Variants in NOX4 observed in about 807,000 individuals in gnomAD.
NOX4 encodes the protein kidney oxidase-1.
Under a neutral mutation model 87.6 loss-of-function variants are expected in NOX4, and 69 were observed. The observed-to-expected ratio is 0.79, with a 90% CI of 0.65 to 0.96. NOX4 has a LOEUF of 0.96. Among genes scored for constraint, NOX4 ranks in the 40% least tolerant of loss-of-function variants. NOX4 has a pLI of 0.00. For synonymous variants in NOX4, 275 were observed against 238.2 expected, an observed-to-expected ratio of 1.15 and a Z score of -1.42; for missense variants, 680 against 681.5, an observed-to-expected ratio of 1.00 and a Z score of 0.02.
chr11:89,438,825 ATATCTTATATATTATATATAT>A (rs1476541490), intron 6 of NOX4, among the ~76,000 whole-genome samples: 188 of 45,772 alleles, frequency 4.1e-3, no homozygotes, highest in African/African-American at 0.018. Context: ...ATATTATATA[ATATCTTATATATTATATATAT>A]TATATAATAT....
In NOX4 at chr11:89,396,259, T is replaced by C. The variant is rs185970306; in HGVS notation, c.1074+3758A>G. ...GGATTCCTAGGTATTTTATTCTCTT[T>C]GAAGCAATTGTGAATGGGAGTTCAC... On this transcript the variant is annotated intron_variant, in intron 11 of 17. Transcript: ENST00000263317. 5.2e-3 allele frequency among the ~76,000 whole-genome samples: 792 copies of C among 152,242 alleles called. 1 individual carries two copies. Among genetic ancestry groups the C allele is most frequent in the African/African-American group, 0.017 (697 of 41,554 alleles).
chr11:89,488,917 T>C (rs1256241065), intron 2 of NOX4: 10 of 677,592 alleles, frequency 1.5e-5, no homozygotes, highest in East Asian at 1.4e-4. Flanking sequence ...TCCATTATAT[T>C]GTAAGCAACT....
rs550238042 is a variant in NOX4, at chr11:89,389,974, T to G, written c.1074+10043A>C. 7.6e-3 allele frequency among the ~76,000 whole-genome samples: 1,162 copies of G among 152,264 alleles called. 13 individuals are homozygous for G. The highest frequency in any genetic ancestry group is 0.026 in the African/African-American group (1,094 of 41,562). On this transcript the variant is annotated intron_variant, in intron 11 of 17. Coordinates refer to ENST00000263317, the MANE Select transcript of NOX4 (RefSeq NM_016931.5). Reference sequence around the variant, plus strand: ...TTTGCAAAAGCTATGAAAGAACCTCTTAGGCACTTAATTAGTAGGTACTAT... The same window carrying G: ...TTTGCAAAAGCTATGAAAGAACCTCGTAGGCACTTAATTAGTAGGTACTAT...
At chr11:89,570,675 C>T in the NOX4 span, among the ~76,000 whole-genome samples, 2 of 152,106 alleles carry the variant, frequency 1.3e-5, no homozygotes, top group Non-Finnish European at 2.9e-5. Flanking sequence ...CTATGAAAGA[C>T]AAGAAATTCA....
chr11:89,392,070 C>T (rs1275427779), intron 11 of NOX4, among the ~76,000 whole-genome samples: 1 of 151,970 alleles, frequency 6.6e-6, no homozygotes, highest in Non-Finnish European at 1.5e-5. Context: ...GAAGTGGTCT[C>T]CAATAACCTG....
chr11:89,583,249 A>AG, the NOX4 span, among the ~76,000 whole-genome samples: 1 of 152,038 alleles, frequency 6.6e-6, no homozygotes, highest in Non-Finnish European at 1.5e-5. Context: ...CTGATGTCTG[A>AG]GAAAAAAAAA....
At chr11:89,426,155 T>A (rs1045557435) in intron 7 of NOX4, among the ~76,000 whole-genome samples, 1 of 152,146 alleles carries the variant, frequency 6.6e-6, no homozygotes, top group Non-Finnish European at 1.5e-5. Flanking sequence ...AAACAAACAA[T>A]TTCTCCAAAG....
At chr11:89,467,165 A>G (rs11018624) in intron 2 of NOX4, among the ~76,000 whole-genome samples, 24,120 of 151,368 alleles carry the variant, frequency 0.16, 2,776 homozygotes, top group African/African-American at 0.31. Flanking sequence ...TGGCTAACAC[A>G]GTGAAACCCC....
upstream of NOX4, among the ~76,000 whole-genome samples, chr11:89,493,298 T>C (rs1477931155): frequency 6.6e-6 from 1 of 151,996 alleles, no homozygotes; most frequent in East Asian, 1.9e-4. Context: ...GGCAGAAGAA[T>C]TGCTTGAACC....
At chr11:89,447,608 T>C (rs1288050986) in intron 4 of NOX4, among the ~76,000 whole-genome samples, 1 of 152,208 alleles carries the variant, frequency 6.6e-6, no homozygotes, top group African/African-American at 2.4e-5. Flanking sequence ...GTCAGACGAC[T>C]AGTGACTGGC....
At chr11:89,540,744 C>A in the NOX4 span, among the ~76,000 whole-genome samples, 1 of 130,124 alleles carries the variant, frequency 7.7e-6, no homozygotes, top group Non-Finnish European at 1.5e-5. Context: ...GCCGAGATCG[C>A]GACACTGCAC....
At chr11:89,573,288 A>C in the NOX4 span, among the ~76,000 whole-genome samples, 1 of 152,198 alleles carries the variant, frequency 6.6e-6, no homozygotes, top group Non-Finnish European at 1.5e-5. Flanking sequence ...CTGTAATCCC[A>C]GCACTTTGGG....
the NOX4 span, among the ~76,000 whole-genome samples, chr11:89,518,378 G>A: frequency 1.2e-4 from 4 of 34,330 alleles, no homozygotes; most frequent in African/African-American, 2.8e-4. Flanking sequence ...AGTCTTGGGG[G>A]GGGGACAAAG....
chr11:89,549,053 CT>C, the NOX4 span, among the ~76,000 whole-genome samples: 1 of 152,138 alleles, frequency 6.6e-6, no homozygotes, highest in African/African-American at 2.4e-5. Context: ...AGCAATAAAA[CT>C]TTAATTAACT....
chr11:89,384,625 A>C (rs1403493898), intron 11 of NOX4, among the ~76,000 whole-genome samples: 5 of 152,028 alleles, frequency 3.3e-5, no homozygotes, highest in African/African-American at 1.2e-4. Flanking sequence ...GACCCCATAG[A>C]TCCTAAATCC....
At chr11:89,362,105 C>G (rs1162839795) in intron 12 of NOX4, among the ~76,000 whole-genome samples, 1 of 151,942 alleles carries the variant, frequency 6.6e-6, no homozygotes. Flanking sequence ...TCCCCCAAAC[C>G]CTCTTTGTTC....
chr11:89,362,553 A>G (rs16912266), intron 12 of NOX4, among the ~76,000 whole-genome samples: 3,841 of 152,088 alleles, frequency 0.025, 94 homozygotes, highest in East Asian at 0.1. Context: ...TGAATTTTTA[A>G]TCTTTAGATT....
chr11:89,479,507 T>C (rs1230547305), intron 2 of NOX4, among the ~76,000 whole-genome samples: 1 of 152,188 alleles, frequency 6.6e-6, no homozygotes, highest in African/African-American at 2.4e-5. Context: ...CTCAGCTATA[T>C]AAAATTATTA....
chr11:89,464,043 A>T (rs996955940), intron 2 of NOX4, among the ~76,000 whole-genome samples: 2 of 152,090 alleles, frequency 1.3e-5, no homozygotes, highest in African/African-American at 4.8e-5. Flanking sequence ...TAAAATCTAT[A>T]ACATAAATTC....
Sources: gnomAD v4.1 joint callset for allele counts (sites outside exome capture counted in the v4.1 genomes callset) on GRCh38, gnomAD v4.1.1 for gene constraint, MANE v1.5 for transcripts, NCBI Gene and HGNC (gene_info 2026-07-23, HGNC 2026-07-21) for gene names.